GAS7: variants seen among roughly 807,000 people sequenced by gnomAD.
GAS7 encodes growth arrest-specific protein 7.
Under a neutral mutation model 71.1 loss-of-function variants are expected in GAS7, and 28 were observed. The observed-to-expected ratio is 0.39, with a 90% CI of 0.29 to 0.54. The LOEUF (loss-of-function observed/expected upper bound fraction) is 0.54, where lower values mean the gene tolerates loss of function less well. GAS7 is among the 20% of genes least tolerant of loss of function. GAS7 has a pLI of 0.62. For missense variants in GAS7, 436 were observed against 627.8 expected (o/e 0.69, Z 3.27); for synonymous variants, 258 against 245.8 (o/e 1.05, Z -0.46).
At chr17:10,156,667 G>C (rs1477757512) in intron 1 of GAS7, among the ~76,000 whole-genome samples, 1 of 152,166 alleles carries the variant, frequency 6.6e-6, no homozygotes, top group Admixed American at 6.5e-5. Context: ...AGGAGATGAA[G>C]GTTCATGAGG....
chr17:9,944,951 T>C (rs1490153324), intron 6 of GAS7, among the ~76,000 whole-genome samples: 1 of 152,132 alleles, frequency 6.6e-6, no homozygotes, highest in Non-Finnish European at 1.5e-5. Flanking sequence ...GGAAAAGGCC[T>C]TGATGGTCAG....
At chr17:10,173,924 C>T (rs1018768180) in intron 1 of GAS7, among the ~76,000 whole-genome samples, 3 of 152,158 alleles carry the variant, frequency 2.0e-5, no homozygotes, top group Admixed American at 6.5e-5. Flanking sequence ...CACAGGGAGA[C>T]GGTGGAGGGA....
At chr17:10,042,458 GGCCCCCTGTCT>G (rs1407986566) in intron 1 of GAS7, among the ~76,000 whole-genome samples, 4 of 152,142 alleles carry the variant, frequency 2.6e-5, no homozygotes, top group Middle Eastern at 3.4e-3. Flanking sequence ...CTCCATACGT[GGCCCCCTGTCT>G]GCATGATCAA....
chr17:9,998,673 AAGAC>A (rs1195466809), intron 2 of GAS7, among the ~76,000 whole-genome samples: 3 of 147,682 alleles, frequency 2.0e-5, no homozygotes, highest in Admixed American at 2.0e-4. Context: ...CAAAGACAGA[AAGAC>A]AGAAAAGGAA....
At chr17:9,984,550 A>G (rs944011615) in intron 2 of GAS7, among the ~76,000 whole-genome samples, 1 of 152,216 alleles carries the variant, frequency 6.6e-6, no homozygotes, top group African/African-American at 2.4e-5. Context: ...CAAGGGACCC[A>G]CTGGCTGGCA....
At chr17:10,094,669 C>A (rs113328133) in intron 1 of GAS7, among the ~76,000 whole-genome samples, 3 of 152,090 alleles carry the variant, frequency 2.0e-5, no homozygotes, top group African/African-American at 7.2e-5. Context: ...AGGGTTTCAC[C>A]GTGTTAGCCA....
intron 1 of GAS7, among the ~76,000 whole-genome samples, chr17:10,082,072 G>A (rs1387149748): frequency 6.6e-6 from 1 of 152,080 alleles, no homozygotes; most frequent in East Asian, 1.9e-4. Context: ...AGCTCTACAT[G>A]CACCAACACG....
intron 1 of GAS7, among the ~76,000 whole-genome samples, chr17:10,039,227 T>TA (rs34319435): frequency 0.091 from 13,119 of 144,642 alleles, 1,434 homozygotes; most frequent in African/African-American, 0.26. Flanking sequence ...TTGCCATGAT[T>TA]AAAAAAAAAA....
chr17:9,943,637 G>A (rs551964350), intron 6 of GAS7, among the ~76,000 whole-genome samples: 3 of 152,196 alleles, frequency 2.0e-5, no homozygotes, highest in East Asian at 1.9e-4. Context: ...GTGAGCTCAG[G>A]AGCAGGTACC....
intron 1 of GAS7, among the ~76,000 whole-genome samples, chr17:10,120,858 C>T (rs1486969428): frequency 1.3e-5 from 2 of 152,132 alleles, no homozygotes; most frequent in East Asian, 1.9e-4. Context: ...GGGTGGAGAA[C>T]GGCAGCTACG....
intron 1 of GAS7, among the ~76,000 whole-genome samples, chr17:10,178,842 T>G (rs4128644): frequency 6.6e-6 from 1 of 151,186 alleles, no homozygotes; most frequent in African/African-American, 2.4e-5. Flanking sequence ...GCGGAGGGCT[T>G]TTCTTTGTTC....
At chr17:10,190,135 G>A (rs777131066) in intron 1 of GAS7, among the ~76,000 whole-genome samples, 3 of 152,176 alleles carry the variant, frequency 2.0e-5, no homozygotes, top group Non-Finnish European at 1.5e-5. Context: ...GAGACCATAT[G>A]GGATGCTCTC....
chr17:9,980,405 G>A (rs1482104524), intron 3 of GAS7, among the ~76,000 whole-genome samples: 1 of 152,188 alleles, frequency 6.6e-6, no homozygotes, highest in Non-Finnish European at 1.5e-5. Context: ...GGTCCTTCCT[G>A]TGGTTCCCTG....
intron 1 of GAS7, among the ~76,000 whole-genome samples, chr17:10,154,929 C>T (rs1170178905): frequency 6.6e-6 from 1 of 151,254 alleles, no homozygotes; most frequent in Non-Finnish European, 1.5e-5. Context: ...CACACACACA[C>T]ACACACACAC....
intron 2 of GAS7, among the ~76,000 whole-genome samples, chr17:9,997,256 G>GGC (rs1313569088): frequency 3.3e-5 from 5 of 151,038 alleles, no homozygotes; most frequent in African/African-American, 1.2e-4. Flanking sequence ...GTGGGGGCGG[G>GGC]GGCGGTGGAA....
chr17:9,950,394 C>G (rs2068957428), intron 5 of GAS7, among the ~76,000 whole-genome samples: 1 of 152,026 alleles, frequency 6.6e-6, no homozygotes, highest in Non-Finnish European at 1.5e-5. Flanking sequence ...CACTTGTAGT[C>G]CCAGCTACTT....
chr17:10,006,865 C>G (rs1472806270), intron 2 of GAS7, among the ~76,000 whole-genome samples: 1 of 152,138 alleles, frequency 6.6e-6, no homozygotes, highest in Non-Finnish European at 1.5e-5. Context: ...AGGTGAAGGG[C>G]CTTTCTTGGC....
chr17:9,999,428 G>T (rs1034974939), intron 2 of GAS7, among the ~76,000 whole-genome samples: 9 of 152,034 alleles, frequency 5.9e-5, no homozygotes, highest in African/African-American at 1.7e-4. Context: ...TGAGGCAGGA[G>T]AATTGCTTGA....
chr17:9,922,548 T>G (rs950393980), intron 11 of GAS7, among the ~76,000 whole-genome samples: 2 of 152,198 alleles, frequency 1.3e-5, no homozygotes, highest in Non-Finnish European at 2.9e-5. Context: ...CCACAGCGAG[T>G]GCTCAGAAGA....
Sources: allele counts gnomAD v4.1 joint callset (sites outside exome capture counted in the v4.1 genomes callset), GRCh38; gene constraint gnomAD v4.1.1; transcripts MANE v1.5; gene names NCBI Gene and HGNC (gene_info 2026-07-23, HGNC 2026-07-21).